Variants in SIGLEC7 observed in about 807,000 individuals in gnomAD.
SIGLEC7 encodes the protein sialic acid-binding Ig-like lectin 7.
Under a neutral mutation model 40.8 loss-of-function variants are expected in SIGLEC7, and 33 were observed. The observed-to-expected ratio is 0.81, with a 90% CI of 0.61 to 1.08. The LOEUF (loss-of-function observed/expected upper bound fraction) is 1.08, where lower values mean the gene tolerates loss of function less well. Among genes scored for constraint, SIGLEC7 ranks in the 50% least tolerant of loss-of-function variants. The pLI is 0.00. For synonymous variants in SIGLEC7, 242 were observed against 237.6 expected (o/e 1.02, Z -0.17); for missense variants, 513 against 576.1 (o/e 0.89, Z 1.12).
chr19:51,148,056 T>C (rs2064317648), intron 6 of SIGLEC7, among the ~76,000 whole-genome samples: 1 of 152,226 alleles, frequency 6.6e-6, no homozygotes, highest in African/African-American at 2.4e-5. Flanking sequence ...ACTGCAGCCC[T>C]GCACATTCTC....
intron 6 of SIGLEC7, 36 bp from the exon 7 acceptor site, chr19:51,153,027 T>C (rs376868558): frequency 1.4e-6 from 2 of 1,442,808 alleles, no homozygotes; most frequent in African/African-American, 2.8e-5. Flanking sequence ...CTATTTCCAC[T>C]GCTCTGCTCT....
rs1382131894 is a variant in SIGLEC7, at chr19:51,144,679, T to A, written c.707T>A (p.Val236Glu). The A allele has an allele frequency of 6.2e-7, 1 of 1,613,212 alleles. No homozygotes were observed. The highest frequency in any genetic ancestry group is 1.1e-5 in the South Asian group (1 of 91,070). ...VTTNRTIQLN[V>E]SYPPQNLTVT... Reference sequence around the variant, plus strand: ...ACGAACAGGACCATCCAACTCAATGTGTCCTGTGAGTGCTGAGCCAGGACG... The same window carrying A: ...ACGAACAGGACCATCCAACTCAATGAGTCCTGTGAGTGCTGAGCCAGGACG... Residue 236 changes from valine (V) to glutamate (E), a missense_variant, in exon 2 of 7, where the codon GTG (valine) becomes GAG (glutamate). Val to Glu is a moderately radical substitution (Grantham distance 121). Coordinates refer to ENST00000317643, the MANE Select transcript of SIGLEC7 (RefSeq NM_014385.4).
chr19:51,146,052 T>C lies in SIGLEC7; in HGVS notation c.958T>C (p.Cys320Arg), dbSNP rs147246807. The C allele has an allele frequency of 6.8e-6, 11 of 1,614,116 alleles. No homozygotes were observed. The highest frequency in any genetic ancestry group is 1.3e-5 in the African/African-American group (1 of 74,938). The change falls in exon 4 of 7, where the codon TGT (cysteine) becomes CGT (arginine). Residue 320 changes from cysteine to arginine, a missense_variant. Transcript: ENST00000317643. ...VHLGDEGEFT[C>R]RAQNSLGSQH... is the part of the protein sequence containing the mutation. ...CCTGGGGGATGAAGGGGAATTCACC[T>C]GTCGAGCTCAGAACTCTCTGGGTTC...
Position 51,145,717 on chromosome 19 carries a change from C to T in SIGLEC7, c.761-138C>T, listed in dbSNP as rs2092102630. On this transcript the variant is annotated intron_variant, in intron 3 of 6. Transcript: ENST00000317643. This position sits in a 1 kb window ranked among gnomAD's most constrained non-coding sequence, Gnocchi z 4.3. ...ATAAAGGTGGGCAAGTTTACATTCC[C>T]AACAGTGAGCGGTGAACATAAGTAT... The T allele has an allele frequency of 3.1e-6, 3 of 982,626 alleles. No homozygotes were observed. Among genetic ancestry groups the T allele is most frequent in the African/African-American group, 1.6e-5 (1 of 61,412 alleles). 60.9% of individuals were successfully genotyped at this position (982,626 alleles called of 1,614,324 possible). A position where few individuals can be genotyped will look rare whatever the true frequency, so the allele number is the denominator to read the frequency against.
chr19:51,144,384 T>C lies in SIGLEC7; in HGVS notation c.434-22T>C. ...TACCATGGATCCTCTGTCCTGATCC[T>C]GAGTCCCCCTCTCTTCACCAGCCTT... On this transcript the variant is annotated intron_variant, in intron 1 of 6. Coordinates refer to ENST00000317643, the MANE Select transcript of SIGLEC7 (RefSeq NM_014385.4). The C allele has an allele frequency of 1.9e-6, 3 of 1,589,442 alleles. No individual in the cohort carries two copies. The South Asian group carries it at 3.4e-5, about 18-fold the overall frequency.
In SIGLEC7 at chr19:51,142,948, C is replaced by T. The variant is rs983501431; in HGVS notation, c.433+146C>T. ...ACCAGAGCCTGAGCTTCCCCAGGAC[C>T]GCACCTTGGATGCCCCTCCTGATCC... On this transcript the variant is annotated intron_variant, in intron 1 of 6. Coordinates refer to ENST00000317643, the MANE Select transcript of SIGLEC7 (RefSeq NM_014385.4). This position sits in a 1 kb window ranked among gnomAD's most constrained non-coding sequence, Gnocchi z 5.0. 2.1e-5 allele frequency: 19 copies of T among 915,134 alleles called. No homozygotes were observed. Among genetic ancestry groups the T allele is most frequent in the Non-Finnish European group, 2.5e-5 (15 of 598,510 alleles). The allele number at this position is 915,134 out of a possible 1,614,324, so 56.7% of individuals were successfully genotyped here. A position where few individuals can be genotyped will look rare whatever the true frequency, so the allele number is the denominator to read the frequency against.
intron 5 of SIGLEC7, 117 bp from the exon 6 acceptor site, chr19:51,147,104 C>A: frequency 6.7e-7 from 1 of 1,485,322 alleles, no homozygotes; most frequent in Non-Finnish European, 9.2e-7. Context: ...CTGGACCACC[C>A]TCCTCCCACC....
rs752754668 is a variant in SIGLEC7 at position 51,153,159 on chromosome 19, C to G, written c.1318C>G (p.Leu440Val). 5.6e-5 allele frequency: 91 copies of G among 1,610,856 alleles called. No individual in the cohort carries two copies. In the Admixed American group the frequency reaches 1.5e-3, roughly 27 times the overall value. Reference protein sequence around the residue: ...GEEREIQYAPLSFHKGEPQDL... With the variant: ...GEEREIQYAPVSFHKGEPQDL... ...GGAAAGAGAGATCCAGTATGCACCC[C>G]TCAGCTTTCATAAGGGGGAGCCTCA... Residue 440 changes from leucine to valine, a missense_variant, in exon 7 of 7, where the codon CTC (leucine) becomes GTC (valine). Physicochemically the swap from Leu to Val is conservative, Grantham distance 32. Transcript: ENST00000317643.
chr19:51,144,051 G>A (rs145668301), intron 1 of SIGLEC7: 13 of 591,940 alleles, frequency 2.2e-5, no homozygotes, highest in East Asian at 1.7e-4. Flanking sequence ...ACACGGGGCC[G>A]ATTCCACCTC....
rs777723000 is a variant in SIGLEC7 at position 51,142,736 on chromosome 19, T to C, written c.367T>C (p.Phe123Leu). The C allele has an allele frequency of 6.2e-7, 1 of 1,613,780 alleles. No individual in the cohort carries two copies. Among genetic ancestry groups the C allele is most frequent in the Non-Finnish European group, 8.5e-7 (1 of 1,179,852 alleles). ...AATGAGTGATGCGGGGAGATACTTC[T>C]TTCGTATGGAGAAAGGAAATATAAA... The part of the protein sequence containing the change: ...ARMSDAGRYF[F>L]RMEKGNIKWN... The change falls in exon 1 of 7, where the codon TTT becomes CTT. Residue 123 changes from phenylalanine to leucine, a missense_variant. Physicochemically the swap from Phe to Leu is conservative, Grantham distance 22. Transcript: ENST00000317643. The surrounding 1 kb of genome is among the most constrained non-coding windows in gnomAD (Gnocchi z 5.0).
intron 6 of SIGLEC7, among the ~76,000 whole-genome samples, chr19:51,149,172 A>G (rs1723465196): frequency 1.3e-5 from 2 of 152,180 alleles, no homozygotes; most frequent in South Asian, 4.1e-4. Flanking sequence ...ATTAGATCCC[A>G]TTTGTCAATT....
chr19:51,143,796 G>A lies in SIGLEC7; in HGVS notation c.434-610G>A, dbSNP rs940949813. On this transcript the variant is annotated intron_variant, in intron 1 of 6. Coordinates refer to ENST00000317643, the MANE Select transcript of SIGLEC7 (RefSeq NM_014385.4). Reference sequence around the variant, plus strand: ...TGGGCAAATGAAGAGAGGGACAGTCGGGGCTGGGCTGAGCCTCATTTCCCC... The same window carrying A: ...TGGGCAAATGAAGAGAGGGACAGTCAGGGCTGGGCTGAGCCTCATTTCCCC... 1.3e-4 allele frequency: 40 copies of A among 317,068 alleles called. 1 individual carries two copies. Among genetic ancestry groups the A allele is most frequent in the Admixed American group, 1.0e-3 (25 of 25,072 alleles). 19.6% of individuals were successfully genotyped at this position (317,068 alleles called of 1,614,324 possible). A position where few individuals can be genotyped will look rare whatever the true frequency, so the allele number is the denominator to read the frequency against.
At chr19:51,144,199 G>A (rs1423216678) in intron 1 of SIGLEC7, 8 of 785,732 alleles carry the variant, frequency 1.0e-5, no homozygotes, top group South Asian at 3.1e-5. Flanking sequence ...CTGTGAATGT[G>A]ACAGATAAGG....
chr19:51,151,348 G>T (rs1266178392), intron 6 of SIGLEC7, among the ~76,000 whole-genome samples: 6 of 152,232 alleles, frequency 3.9e-5, no homozygotes, highest in Non-Finnish European at 8.8e-5. Context: ...ATTTGGGAAA[G>T]AAAAGGAGGA....
At chr19:51,144,089 T>A in intron 1 of SIGLEC7, 1 of 648,854 alleles carries the variant, frequency 1.5e-6, no homozygotes. Context: ...CAACAACTGC[T>A]CCCTGAGCAT....
Position 51,145,819 on chromosome 19 carries a change from C to T in SIGLEC7, c.761-36C>T. The T allele has an allele frequency of 6.2e-7, 1 of 1,611,932 alleles. No individual in the cohort carries two copies. The highest frequency in any genetic ancestry group is 8.5e-7 in the Non-Finnish European group (1 of 1,178,710). On this transcript the variant is annotated intron_variant, in intron 3 of 6. Transcript: ENST00000317643. This position sits in a 1 kb window ranked among gnomAD's most constrained non-coding sequence, Gnocchi z 4.3. ...GTATCCTTCCTCCCTGTTTCAATCA[C>T]TTTGTCTCTTTGAACCTCCAACTTT...
chr19:51,142,881 C>T lies in SIGLEC7; in HGVS notation c.433+79C>T, dbSNP rs915366755. 1.5e-5 allele frequency: 22 copies of T among 1,435,770 alleles called. No homozygotes were observed. The highest frequency in any genetic ancestry group is 2.1e-5 in the Non-Finnish European group (22 of 1,055,492). The allele number at this position is 1,435,770 out of a possible 1,614,324, so 88.9% of individuals were successfully genotyped here. ...GCACGGCTGAGACGGGACACATGTC[C>T]TGGGAGGGGGCCGGGGGTGATGGAC... On this transcript the variant is annotated intron_variant, in intron 1 of 6. Coordinates refer to ENST00000317643, the MANE Select transcript of SIGLEC7 (RefSeq NM_014385.4). The surrounding 1 kb of genome is among the most constrained non-coding windows in gnomAD (Gnocchi z 5.0).
intron 6 of SIGLEC7, among the ~76,000 whole-genome samples, chr19:51,149,459 T>C (rs1329105269): frequency 6.6e-6 from 1 of 152,184 alleles, no homozygotes; most frequent in Non-Finnish European, 1.5e-5. Flanking sequence ...GATCAAATTG[T>C]TGTAGGTGTG....
Position 51,144,521 on chromosome 19 carries a change from C to CT in SIGLEC7, c.550dup (p.Trp184LeufsTer96), listed in dbSNP as rs2092092260. ...AGCAGGGGACGCCCCCTATGATCTC[C>CT]TGGATGGGGACCTCTGTGTCCCCCC... On this transcript the variant is annotated frameshift_variant, in exon 2 of 7. Coordinates refer to ENST00000317643, the MANE Select transcript of SIGLEC7 (RefSeq NM_014385.4). LOFTEE classifies it high-confidence loss of function. 1 of 1,613,930 alleles carries CT rather than the reference C, an allele frequency of 6.2e-7. No homozygotes were observed. The highest frequency in any genetic ancestry group is 8.5e-7 in the Non-Finnish European group (1 of 1,180,010).
Sources: allele counts gnomAD v4.1 joint callset (sites outside exome capture counted in the v4.1 genomes callset), GRCh38; gene constraint gnomAD v4.1.1; non-coding constraint Gnocchi (gnomAD v3.1); transcripts MANE v1.5; gene names NCBI Gene and HGNC (gene_info 2026-07-23, HGNC 2026-07-21).